SPEF2: variants seen among roughly 807,000 people sequenced by gnomAD.
SPEF2 encodes the protein sperm flagella and cilia-associated protein 2.
In SPEF2, 187 loss-of-function variants were observed where a neutral mutation model predicts 224.6. That is an observed-to-expected ratio of 0.83 (90% CI 0.74 to 0.94). The LOEUF (loss-of-function observed/expected upper bound fraction) is 0.94, where lower values mean the gene tolerates loss of function less well. Among genes scored for constraint, SPEF2 ranks in the 40% least tolerant of loss-of-function variants. SPEF2 has a pLI of 0.00. For synonymous variants in SPEF2, 715 were observed against 707.3 expected, an observed-to-expected ratio of 1.01 and a Z score of -0.17; for missense variants, 2,170 against 2,135.6, an observed-to-expected ratio of 1.02 and a Z score of -0.32.
At chr5:35,635,232 G>A (rs962233776) in intron 2 of SPEF2, among the ~76,000 whole-genome samples, 1 of 151,900 alleles carries the variant, frequency 6.6e-6, no homozygotes, top group African/African-American at 2.4e-5. Context: ...TATTGTGAAT[G>A]TTTTTATTTC....
chr5:35,753,201 T>C (rs1190874787), intron 23 of SPEF2, among the ~76,000 whole-genome samples: 1 of 152,116 alleles, frequency 6.6e-6, no homozygotes, highest in Non-Finnish European at 1.5e-5. Context: ...CCACCTGTAG[T>C]ATTAATTAAC....
At chr5:35,755,491 A>G (rs1335187780) in intron 24 of SPEF2, among the ~76,000 whole-genome samples, 1 of 152,198 alleles carries the variant, frequency 6.6e-6, no homozygotes, top group Non-Finnish European at 1.5e-5. Context: ...TTATCTTGAG[A>G]AACTGAACCA....
intron 23 of SPEF2, among the ~76,000 whole-genome samples, chr5:35,745,567 AGC>A (rs60128240): frequency 0.91 from 138,527 of 151,864 alleles, 63,344 homozygotes; most frequent in South Asian, 0.99. Flanking sequence ...TCCCTGCCTC[AGC>A]ACCTACATGA....
chr5:35,652,376 TATA>T (rs1327888168), intron 6 of SPEF2, among the ~76,000 whole-genome samples: 3 of 152,116 alleles, frequency 2.0e-5, no homozygotes, highest in East Asian at 1.9e-4. Context: ...TAAGTACAAA[TATA>T]ATAAGATTTT....
rs1580329307 is a variant in SPEF2 at position 35,697,705 on chromosome 5, C to T, written c.2053C>T (p.Gln685Ter). Residue 685 changes from glutamine to a stop codon, truncating the protein, a stop_gained, in exon 15 of 37, where the codon CAG (glutamine) becomes TAG (stop). Coordinates refer to ENST00000356031, the MANE Select transcript of SPEF2 (RefSeq NM_024867.4). LOFTEE classifies it high-confidence loss of function. The stretch of plus-strand genomic sequence containing the variant: ...ATTTTCCCAGCTCACTACACGTGCT[C>T]AGCTTGGTGCAAAATCAGAACAGTT... ...DSFLKLTTRA[Q>*]LGAKSEQLLK... The T allele has an allele frequency of 1.9e-6, 3 of 1,613,186 alleles. No individual in the cohort carries two copies. The highest frequency in any genetic ancestry group is 2.5e-6 in the Non-Finnish European group (3 of 1,179,558).
rs891122750 is a variant in SPEF2, at chr5:35,654,648, T to C, written c.900T>C (p.Asp300=). The stretch of plus-strand genomic sequence containing the variant: ...AAATCCAGAAGCGCCTTGAAGAAGA[T>C]GCTTTTGCACGAGAGCAAAGGGAGA... The part of the protein sequence containing the change: ...IKKIQKRLEE[D]AFAREQREKR... Residue 300 remains aspartate (D), a synonymous_variant, in exon 7 of 37, where the codon GAT becomes GAC. Coordinates refer to ENST00000356031, the MANE Select transcript of SPEF2 (RefSeq NM_024867.4). 4 of 1,613,730 alleles carry C rather than the reference T, an allele frequency of 2.5e-6. No homozygotes were observed. In the African/African-American group the frequency reaches 4.0e-5, roughly 16 times the overall value.
intron 7 of SPEF2, among the ~76,000 whole-genome samples, chr5:35,655,288 A>G (rs987350318): frequency 6.6e-6 from 1 of 152,180 alleles, no homozygotes; most frequent in Non-Finnish European, 1.5e-5. Context: ...CAGGCTGTCT[A>G]GGTGATCCTG....
At chr5:35,771,038 C>A (rs1393682844) in intron 26 of SPEF2, among the ~76,000 whole-genome samples, 1 of 151,958 alleles carries the variant, frequency 6.6e-6, no homozygotes, top group African/African-American at 2.4e-5. Flanking sequence ...GGCATGCTGT[C>A]CCAAAAATTG....
At chr5:35,705,061 G>A (rs958176872) in intron 17 of SPEF2, among the ~76,000 whole-genome samples, 1 of 151,930 alleles carries the variant, frequency 6.6e-6, no homozygotes, top group African/African-American at 2.4e-5. Flanking sequence ...TGTGCAATTT[G>A]CCATTGCAAA....
chr5:35,647,845 A>G (rs1747618018), intron 5 of SPEF2, among the ~76,000 whole-genome samples: 1 of 152,142 alleles, frequency 6.6e-6, no homozygotes, highest in Non-Finnish European at 1.5e-5. Context: ...TGTACCAGTG[A>G]CATTTTACTG....
intron 36 of SPEF2, among the ~76,000 whole-genome samples, chr5:35,810,120 A>T (rs1195639425): frequency 1.3e-5 from 2 of 152,226 alleles, no homozygotes; most frequent in Admixed American, 6.5e-5. Flanking sequence ...TTGCTTGAGA[A>T]AAGAAAATAG....
intron 10 of SPEF2, among the ~76,000 whole-genome samples, chr5:35,679,405 G>GA (rs1264838381): frequency 6.6e-6 from 1 of 152,134 alleles, no homozygotes; most frequent in Non-Finnish European, 1.5e-5. Context: ...GACCAGACTA[G>GA]AAAATGAAAA....
intron 30 of SPEF2, among the ~76,000 whole-genome samples, 188 bp from the exon 31 acceptor site, chr5:35,792,152 A>G (rs1042636607): frequency 6.6e-6 from 1 of 152,150 alleles, no homozygotes; most frequent in Non-Finnish European, 1.5e-5. Context: ...GTTGAGAAAC[A>G]ATAATGAGAG....
intron 2 of SPEF2, among the ~76,000 whole-genome samples, chr5:35,631,401 TCAAGATCA>T (rs1745107423): frequency 1.3e-5 from 2 of 151,892 alleles, no homozygotes; most frequent in South Asian, 4.2e-4. Context: ...AAAATGCAAA[TCAAGATCA>T]CAAGACACCA....
intron 34 of SPEF2, among the ~76,000 whole-genome samples, chr5:35,804,122 T>C (rs1042315328): frequency 1.6e-4 from 25 of 152,206 alleles, no homozygotes; most frequent in Non-Finnish European, 2.8e-4. Flanking sequence ...AACACATACA[T>C]TTCTATGCTC....
intron 21 of SPEF2, among the ~76,000 whole-genome samples, chr5:35,735,111 C>T (rs1746354772): frequency 6.6e-6 from 1 of 152,134 alleles, no homozygotes; most frequent in African/African-American, 2.4e-5. Context: ...TGTTTCCTAT[C>T]TTCTATATGA....
chr5:35,675,648 A>T (rs1561177530), intron 10 of SPEF2: 1 of 211,418 alleles, frequency 4.7e-6, no homozygotes, highest in Non-Finnish European at 9.9e-6. Context: ...AGTAGCCAGG[A>T]CTACAGGCCT....
chr5:35,774,638 A>G (rs144411151), intron 28 of SPEF2, among the ~76,000 whole-genome samples: 1 of 152,200 alleles, frequency 6.6e-6, no homozygotes, highest in Non-Finnish European at 1.5e-5. Flanking sequence ...TGAAAAGATC[A>G]GGAAACTGAG....
At chr5:35,772,458 T>G (rs1752995699) in intron 27 of SPEF2, among the ~76,000 whole-genome samples, 1 of 152,138 alleles carries the variant, frequency 6.6e-6, no homozygotes, top group Admixed American at 6.6e-5. Context: ...CCAGCTATAG[T>G]CTTGCAGTAG....
Sources: gnomAD v4.1 joint callset for allele counts (sites outside exome capture counted in the v4.1 genomes callset) on GRCh38, gnomAD v4.1.1 for gene constraint, MANE v1.5 for transcripts, NCBI Gene and HGNC (gene_info 2026-07-23, HGNC 2026-07-21) for gene names.